MECR: variants seen among roughly 807,000 people sequenced by gnomAD.
MECR encodes mitochondrial trans-2-enoyl-CoA reductase, also known as enoyl-[acyl-carrier-protein] reductase, mitochondrial.
Under a neutral mutation model 49.1 loss-of-function variants are expected in MECR, and 37 were observed. The ratio of observed to expected loss-of-function variants is 0.75; its 90% CI spans 0.58 to 0.99. The LOEUF (loss-of-function observed/expected upper bound fraction) is 0.99, where lower values mean the gene tolerates loss of function less well. Ranked by LOEUF, MECR falls within the 50% of genes least tolerant of loss-of-function variation. The pLI, the probability that MECR is intolerant of heterozygous loss-of-function variation, is 0.00. For synonymous variants in MECR, 198 were observed against 191.1 expected, an observed-to-expected ratio of 1.04 and a Z score of -0.30; for missense variants, 470 against 479.6, an observed-to-expected ratio of 0.98 and a Z score of 0.19.
At chr1:29,182,125 C>T in the MECR span, 2 of 183,480 alleles carry the variant, frequency 1.1e-5, no homozygotes, top group Non-Finnish European at 2.2e-5. Flanking sequence ...CAGCTGGCTT[C>T]GCCCCTCCCC....
At chr1:29,217,747 T>C (rs1319703277) in intron 1 of MECR, among the ~76,000 whole-genome samples, 1 of 152,202 alleles carries the variant, frequency 6.6e-6, no homozygotes, top group East Asian at 1.9e-4. Flanking sequence ...CTCCACATGT[T>C]TGATTTTATT....
intron 2 of MECR, 136 bp from the exon 3 acceptor site, chr1:29,216,272 C>A: frequency 1.0e-6 from 1 of 992,124 alleles, no homozygotes; most frequent in Admixed American, 2.5e-5. Context: ...TGAGCCTTAG[C>A]TTGCTTGTCT....
intron 1 of MECR, among the ~76,000 whole-genome samples, chr1:29,222,175 G>A (rs1240851140): frequency 2.6e-5 from 4 of 152,176 alleles, no homozygotes; most frequent in African/African-American, 9.7e-5. Context: ...CTCACTGCAA[G>A]CTCCGCCTCC....
At chr1:29,207,368 C>T (rs1676874367) in intron 3 of MECR, among the ~76,000 whole-genome samples, 1 of 152,082 alleles carries the variant, frequency 6.6e-6, no homozygotes, top group Admixed American at 6.6e-5. Flanking sequence ...GATTCGCCTG[C>T]ATCGGCTTCC....
At chr1:29,182,027 T>A in the MECR span, 2 of 309,838 alleles carry the variant, frequency 6.5e-6, no homozygotes, top group Non-Finnish European at 1.2e-5. Context: ...CGCGCCGACG[T>A]GCGGCGGGGC....
At chr1:29,183,458 T>A in the MECR span, among the ~76,000 whole-genome samples, 1 of 152,202 alleles carries the variant, frequency 6.6e-6, no homozygotes, top group Admixed American at 6.5e-5. Flanking sequence ...AGAGTTTTGA[T>A]AAGTTATTGC....
chr1:29,187,610 T>G, the MECR span, among the ~76,000 whole-genome samples: 1,768 of 151,658 alleles, frequency 0.012, 62 homozygotes, highest in East Asian at 0.11. Context: ...TTTTTTCCTT[T>G]TTTTGTTGAG....
the MECR span, among the ~76,000 whole-genome samples, chr1:29,178,437 A>G: frequency 2.0e-5 from 3 of 147,518 alleles, no homozygotes; most frequent in Admixed American, 1.4e-4. Flanking sequence ...TCCACCTCCC[A>G]GGTTCACGCC....
At chr1:29,191,405 G>C (rs1574212042), downstream of MECR, among the ~76,000 whole-genome samples, 2 of 152,124 alleles carry the variant, frequency 1.3e-5, no homozygotes, top group Non-Finnish European at 1.5e-5. Context: ...CCAGGTTCAA[G>C]TGACTGTCCT....
At chr1:29,228,099 G>A (rs965864106) in intron 1 of MECR, among the ~76,000 whole-genome samples, 1 of 152,062 alleles carries the variant, frequency 6.6e-6, no homozygotes, top group Non-Finnish European at 1.5e-5. Flanking sequence ...GGTCAAGCTG[G>A]GTGTGGTGGT....
At chr1:29,204,466 T>A (rs1386251797) in intron 4 of MECR, among the ~76,000 whole-genome samples, 2 of 151,942 alleles carry the variant, frequency 1.3e-5, no homozygotes, top group African/African-American at 4.8e-5. Flanking sequence ...CTTTTTTTTT[T>A]AAAGTTAAAA....
chr1:29,222,732 G>A (rs1681076758), intron 1 of MECR, among the ~76,000 whole-genome samples: 1 of 152,164 alleles, frequency 6.6e-6, no homozygotes, highest in Non-Finnish European at 1.5e-5. Flanking sequence ...AGGGGTGAGG[G>A]TTTAGGAGAT....
chr1:29,196,099 GGCAT>G, intron 8 of MECR, 86 bp from the exon 9 acceptor site: 1 of 1,597,226 alleles, frequency 6.3e-7, no homozygotes, highest in Non-Finnish European at 8.6e-7. Flanking sequence ...CCAGGAACGG[GGCAT>G]TGCCTAAGCT....
chr1:29,185,320 C>T, the MECR span, among the ~76,000 whole-genome samples: 6 of 152,274 alleles, frequency 3.9e-5, no homozygotes, highest in African/African-American at 1.4e-4. Flanking sequence ...ATGATCTTGG[C>T]TCACTGCAAC....
chr1:29,170,853 C>A, the MECR span: 9 of 152,154 alleles, frequency 5.9e-5, no homozygotes, highest in African/African-American at 2.2e-4. Flanking sequence ...CATGAAGGTC[C>A]CCTTTCTGGC....
intron 1 of MECR, chr1:29,223,829 G>A (rs891682381): frequency 1.3e-5 from 2 of 152,178 alleles, no homozygotes; most frequent in African/African-American, 4.8e-5. Flanking sequence ...CAGCTTGTAA[G>A]GGCCTGGCTC....
rs1673236549 is a variant in MECR, at chr1:29,193,194, C to T, written c.*828G>A. 5.4e-6 allele frequency: 1 copy of T among 186,410 alleles called. No homozygotes were observed. Among genetic ancestry groups the T allele is most frequent in the African/African-American group, 2.4e-5 (1 of 41,586 alleles). 11.5% of individuals were successfully genotyped at this position (186,410 alleles called of 1,614,324 possible). A position where few individuals can be genotyped will look rare whatever the true frequency, so the allele number is the denominator to read the frequency against. ...TCCTGGGCTCAAGTGATCCGCTTGC[C>T]TTGGCTTCCCAAAGTGCTGGGATTA... On this transcript the variant is annotated 3_prime_UTR_variant, in exon 10 of 10. Transcript: ENST00000263702.
At chr1:29,171,993 C>A in the MECR span, 2 of 152,152 alleles carry the variant, frequency 1.3e-5, no homozygotes, top group African/African-American at 4.8e-5. Context: ...GGGCAATTTA[C>A]GCTGTTAACA....
chr1:29,196,841 AAAT>A (rs1674120734), intron 7 of MECR, among the ~76,000 whole-genome samples: 1 of 152,086 alleles, frequency 6.6e-6, no homozygotes, highest in Admixed American at 6.5e-5. Context: ...CTGTGTCTAT[AAAT>A]AATAATAAAA....
Sources: allele counts gnomAD v4.1 joint callset (sites outside exome capture counted in the v4.1 genomes callset), GRCh38; gene constraint gnomAD v4.1.1; transcripts MANE v1.5; gene names NCBI Gene and HGNC (gene_info 2026-07-23, HGNC 2026-07-21).